Variants in PKNOX2 observed in about 807,000 individuals in gnomAD.
PKNOX2 encodes homeobox protein PKNOX2.
PKNOX2 carries 14 observed loss-of-function variants against 53.1 expected under a neutral mutation model. The ratio of observed to expected loss-of-function variants is 0.26; its 90% CI spans 0.17 to 0.41. The LOEUF is 0.41. PKNOX2 is among the 10% of genes least tolerant of loss of function. PKNOX2 has a pLI of 1.00. For missense variants in PKNOX2, 496 were observed against 602.8 expected, an observed-to-expected ratio of 0.82 and a Z score of 1.85; for synonymous variants, 257 against 242.8, an observed-to-expected ratio of 1.06 and a Z score of -0.54.
At position 125,220,873 on chromosome 11, in the gene PKNOX2, G is replaced by A. The variant is rs114602482; in HGVS notation, c.-200-14172G>A. On this transcript the variant is annotated intron_variant, in intron 1 of 12. Transcript: ENST00000298282. Reference sequence around the variant, plus strand: ...TCGCCACTGGGTCAGTACGTCCCAGGGAGAGGGCAGGACTTTGTGTTCTGC... The same window carrying A: ...TCGCCACTGGGTCAGTACGTCCCAGAGAGAGGGCAGGACTTTGTGTTCTGC... 9.3e-3 allele frequency among the ~76,000 whole-genome samples: 1,418 copies of A among 152,242 alleles called. 29 individuals carry two copies. Among genetic ancestry groups the A allele is most frequent in the African/African-American group, 0.032 (1,346 of 41,524 alleles).
chr11:125,248,875 G>GTA (rs1491154665), intron 2 of PKNOX2, among the ~76,000 whole-genome samples: 6 of 129,654 alleles, frequency 4.6e-5, no homozygotes, highest in African/African-American at 1.5e-4. Flanking sequence ...TATATATAAC[G>GTA]TATATATATA....
chr11:125,429,729 G>A (rs1054709395), intron 11 of PKNOX2, among the ~76,000 whole-genome samples: 1 of 152,136 alleles, frequency 6.6e-6, no homozygotes, highest in African/African-American at 2.4e-5. Context: ...CTTGAGCAGG[G>A]ATTTCTGACC....
At chr11:125,336,835 T>C (rs998019906) in intron 3 of PKNOX2, among the ~76,000 whole-genome samples, 4 of 147,440 alleles carry the variant, frequency 2.7e-5, no homozygotes, top group Non-Finnish European at 6.0e-5. Flanking sequence ...AATAGTATAA[T>C]ATACATTATA....
At chr11:125,374,899 A>G (rs1286467816) in intron 5 of PKNOX2, among the ~76,000 whole-genome samples, 1 of 144,728 alleles carries the variant, frequency 6.9e-6, no homozygotes, top group African/African-American at 2.5e-5. Context: ...GAAGGAAGAC[A>G]ACCAGCAATT....
intron 1 of PKNOX2, among the ~76,000 whole-genome samples, chr11:125,220,680 A>G (rs2135495675): frequency 6.6e-6 from 1 of 152,324 alleles, no homozygotes; most frequent in Admixed American, 6.5e-5. Flanking sequence ...TACCTTGCCT[A>G]GGATCCGGCC....
At chr11:125,343,848 T>C (rs765725501) in intron 3 of PKNOX2, among the ~76,000 whole-genome samples, 1 of 151,934 alleles carries the variant, frequency 6.6e-6, no homozygotes, top group Non-Finnish European at 1.5e-5. Flanking sequence ...TGAAGCCCAG[T>C]TAAAAAAAAT....
intron 1 of PKNOX2, among the ~76,000 whole-genome samples, chr11:125,190,726 C>T (rs1333116224): frequency 6.6e-6 from 1 of 152,194 alleles, no homozygotes; most frequent in Non-Finnish European, 1.5e-5. Flanking sequence ...TGGCCGTCAC[C>T]ACAGATGCAA....
intron 2 of PKNOX2, among the ~76,000 whole-genome samples, chr11:125,319,436 G>A (rs184005994): frequency 1.7e-3 from 259 of 152,268 alleles, no homozygotes; most frequent in Middle Eastern, 3.4e-3. Context: ...TGCTCAATGC[G>A]GTGTTGCCAT....
At chr11:125,428,454 A>C (rs1226185375) in intron 10 of PKNOX2, among the ~76,000 whole-genome samples, 1 of 152,156 alleles carries the variant, frequency 6.6e-6, no homozygotes, top group Non-Finnish European at 1.5e-5. Context: ...TAAAATGATG[A>C]TTTTTTAATG....
At chr11:125,214,686 TG>T (rs1833317292) in intron 1 of PKNOX2, among the ~76,000 whole-genome samples, 1 of 152,042 alleles carries the variant, frequency 6.6e-6, no homozygotes, top group Non-Finnish European at 1.5e-5. Flanking sequence ...ATGCAGCCCC[TG>T]CCTGAGGGGT....
intron 2 of PKNOX2, among the ~76,000 whole-genome samples, chr11:125,288,890 G>A (rs774896435): frequency 6.6e-6 from 1 of 152,204 alleles, no homozygotes; most frequent in East Asian, 1.9e-4. Context: ...ATGGAGAAGC[G>A]CTGATATTTG....
rs1251360774 is a variant in PKNOX2, at chr11:125,410,236, C to G, written c.629C>G (p.Ser210Cys). 2 of 1,614,080 alleles carry G rather than the reference C, an allele frequency of 1.2e-6. No homozygotes were observed. ...TCCCCCAATTCCATGTCCGGAGTCT[C>G]CAATAACCCCCAGGGGATTGTGGTC... ...QNSPNSMSGV[S>C]NNPQGIVVPA... is the part of the protein sequence containing the mutation. Residue 210 changes from serine (S) to cysteine (C), a missense_variant, in exon 8 of 13, where the codon TCC becomes TGC. Around this residue, in one of 5 missense-constraint regions of PKNOX2, gnomAD observed 141 missense variants for 143.9 expected, o/e 0.98. Transcript: ENST00000298282.
At chr11:125,350,321 C>T (rs1443152295) in intron 3 of PKNOX2, among the ~76,000 whole-genome samples, 3 of 152,178 alleles carry the variant, frequency 2.0e-5, no homozygotes, top group Admixed American at 6.5e-5. Context: ...GGGCAGCTCG[C>T]CTGCTTATTG....
chr11:125,206,856 T>C (rs987654647), intron 1 of PKNOX2, among the ~76,000 whole-genome samples: 5 of 151,910 alleles, frequency 3.3e-5, no homozygotes, highest in African/African-American at 7.3e-5. Flanking sequence ...AAGGATCACG[T>C]TGGCAGTATA....
chr11:125,387,684 C>T (rs1017752334), intron 6 of PKNOX2, among the ~76,000 whole-genome samples: 3 of 152,196 alleles, frequency 2.0e-5, no homozygotes, highest in African/African-American at 4.8e-5. Flanking sequence ...ATACTGCCAG[C>T]GTTCCCTGGT....
intron 2 of PKNOX2, among the ~76,000 whole-genome samples, chr11:125,237,950 G>A (rs1942853311): frequency 6.6e-6 from 1 of 152,106 alleles, no homozygotes; most frequent in Non-Finnish European, 1.5e-5. Flanking sequence ...AAGCTACAAG[G>A]GTCTGTGCTG....
chr11:125,167,328 G>A (rs1954961968), intron 1 of PKNOX2, among the ~76,000 whole-genome samples: 1 of 152,182 alleles, frequency 6.6e-6, no homozygotes, highest in African/African-American at 2.4e-5. Context: ...GGACACGGAA[G>A]ACGCACGACC....
intron 10 of PKNOX2, among the ~76,000 whole-genome samples, chr11:125,412,740 C>G (rs1170668915): frequency 6.6e-6 from 1 of 152,126 alleles, no homozygotes. Context: ...CAGACAGACA[C>G]AGATACAAGA....
At chr11:125,349,713 C>T (rs974030984) in intron 3 of PKNOX2, among the ~76,000 whole-genome samples, 1 of 152,186 alleles carries the variant, frequency 6.6e-6, no homozygotes, top group African/African-American at 2.4e-5. Context: ...TGGTAGACAT[C>T]TATTGAGTGA....
Sources: allele counts gnomAD v4.1 joint callset (sites outside exome capture counted in the v4.1 genomes callset), GRCh38; gene constraint gnomAD v4.1.1; regional missense constraint gnomAD v4.1.1; transcripts MANE v1.5; gene names NCBI Gene and HGNC (gene_info 2026-07-23, HGNC 2026-07-21).